MRPS27: variants seen among roughly 807,000 people sequenced by gnomAD.
MRPS27 encodes mitochondrial ribosomal protein S27, also known as small ribosomal subunit protein mS27.
MRPS27 carries 43 observed loss-of-function variants against 48.9 expected under a neutral mutation model. That is an observed-to-expected ratio of 0.88 (90% CI 0.69 to 1.13). MRPS27 has a LOEUF of 1.13. MRPS27 is among the 50% of genes most tolerant of loss of function. The probability of loss-of-function intolerance (pLI) is 0.00; values close to 1 mark genes in which losing one functional copy is unlikely to be tolerated. For synonymous variants in MRPS27, 188 were observed against 171.9 expected, an observed-to-expected ratio of 1.09 and a Z score of -0.73; for missense variants, 467 against 476.3, an observed-to-expected ratio of 0.98 and a Z score of 0.18.
chr5:72,234,110 G>A lies in MRPS27; in HGVS notation c.475+9C>T, dbSNP rs1748135243. 6.7e-7 allele frequency: 1 copy of A among 1,503,226 alleles called. No individual in the cohort carries two copies. Among genetic ancestry groups the A allele is most frequent in the African/African-American group, 1.4e-5 (1 of 69,158 alleles). 93.1% of individuals were successfully genotyped at this position (1,503,226 alleles called of 1,614,324 possible). ...CCTATAAACACTGAATCTGGGGTTA[G>A]TTTCTTACCTTTGTAATTTTCTTTC... On this transcript the variant is annotated intron_variant, in intron 6 of 10. Coordinates refer to ENST00000261413, the MANE Select transcript of MRPS27 (RefSeq NM_015084.3).
chr5:72,254,531 G>A (rs1245487485), intron 4 of MRPS27, among the ~76,000 whole-genome samples: 1 of 152,192 alleles, frequency 6.6e-6, no homozygotes, highest in African/African-American at 2.4e-5. Flanking sequence ...AATTATATAT[G>A]TGGAGCCTTT....
At chr5:72,320,007 CCTT>C (rs1358268702) in intron 1 of MRPS27, 139 bp downstream of exon 1, 14 of 777,512 alleles carry the variant, frequency 1.8e-5, no homozygotes, top group Admixed American at 5.0e-5. Flanking sequence ...TACCTTGTCT[CCTT>C]CTTCTGCACT....
intron 1 of MRPS27, 133 bp downstream of exon 1, chr5:72,320,016 G>T: frequency 2.4e-6 from 2 of 843,590 alleles, no homozygotes; most frequent in Non-Finnish European, 3.9e-6. Context: ...TCCTTCTTCT[G>T]CACTACCAAA....
intron 5 of MRPS27, 80 bp downstream of exon 5, chr5:72,237,934 C>A: frequency 1.1e-6 from 1 of 931,422 alleles, no homozygotes; most frequent in Non-Finnish European, 1.7e-6. Context: ...TGGTGTTATT[C>A]TTTGCTGTAC....
At chr5:72,302,264 G>C (rs140381565) in intron 2 of MRPS27, among the ~76,000 whole-genome samples, 2 of 152,282 alleles carry the variant, frequency 1.3e-5, no homozygotes, top group Admixed American at 6.5e-5. Flanking sequence ...GAGTGCAATG[G>C]CCCACAAGCC....
intron 4 of MRPS27, among the ~76,000 whole-genome samples, chr5:72,281,521 G>A (rs1349733321): frequency 1.3e-5 from 2 of 152,212 alleles, no homozygotes; most frequent in East Asian, 3.9e-4. Flanking sequence ...ATGGGTCAGA[G>A]AGATCACATT....
rs66874536 is a variant in MRPS27 at position 72,270,193 on chromosome 5, CAATAATAATAAT to C, written c.281+25326_281+25337del. On this transcript the variant is annotated intron_variant, in intron 4 of 10. Coordinates refer to ENST00000261413, the MANE Select transcript of MRPS27 (RefSeq NM_015084.3). Reference sequence around the variant, plus strand: ...GGGCGACAAAAGAGAAACTCCATCTCAATAATAATAATAATAATAATAATAATAATAATAATA... The same window carrying C: ...GGGCGACAAAAGAGAAACTCCATCTCAATAATAATAATAATAATAATAATA... 4.2e-3 allele frequency among the ~76,000 whole-genome samples: 590 copies of C among 140,318 alleles called. 1 individual carries two copies. Among genetic ancestry groups the C allele is most frequent in the East Asian group, 6.2e-3 (30 of 4,854 alleles). 92.1% of individuals were successfully genotyped at this position (140,318 alleles called of 152,430 possible).
At position 72,234,179 on chromosome 5, in the gene MRPS27, GA is replaced by G; in HGVS notation, c.414del (p.Pro139GlnfsTer9). ...AGTAAATTGAATGTAAAGTTATCTG[GA>G]AAAATTCCATATTGAACCTATAATG... ...TLVNKVQYGI[F>X]PDNFTFNLLM... On this transcript the variant is annotated frameshift_variant, in exon 6 of 11. Coordinates refer to ENST00000261413, the MANE Select transcript of MRPS27 (RefSeq NM_015084.3). LOFTEE classifies it high-confidence loss of function. 2 of 1,502,490 alleles carry G rather than the reference GA, an allele frequency of 1.3e-6. No homozygotes were observed. Among genetic ancestry groups the G allele is most frequent in the African/African-American group, 1.4e-5 (1 of 69,176 alleles). The allele number at this position is 1,502,490 out of a possible 1,614,324, so 93.1% of individuals were successfully genotyped here.
At chr5:72,242,915 G>C (rs935917893) in intron 4 of MRPS27, among the ~76,000 whole-genome samples, 4 of 152,234 alleles carry the variant, frequency 2.6e-5, no homozygotes, top group African/African-American at 9.6e-5. Flanking sequence ...GAGCCCAGCA[G>C]CTCACAGCTC....
intron 5 of MRPS27, among the ~76,000 whole-genome samples, chr5:72,236,053 A>G (rs1253734155): frequency 6.6e-6 from 1 of 152,056 alleles, no homozygotes; most frequent in African/African-American, 2.4e-5. Context: ...TCTTTTGTTA[A>G]TCTGACTTTT....
At chr5:72,294,586 G>T (rs1440265478) in intron 4 of MRPS27, 1 of 152,132 alleles carries the variant, frequency 6.6e-6, no homozygotes, top group African/African-American at 2.4e-5. Flanking sequence ...ATGTGCATTA[G>T]GTTGTTTCAG....
rs550068170 is a variant in MRPS27 at position 72,233,500 on chromosome 5, T to C, written c.475+619A>G. Among the ~76,000 whole-genome samples the C allele has an allele frequency of 6.6e-5, 10 of 152,292 alleles. No individual in the cohort carries two copies. In the South Asian group the frequency reaches 1.9e-3, roughly 28 times the overall value. Reference sequence around the variant, plus strand: ...ATTATTTTTTTAACCAATTTTTACATATATTCATAACTATAAAATAGCACT... The same window carrying C: ...ATTATTTTTTTAACCAATTTTTACACATATTCATAACTATAAAATAGCACT... On this transcript the variant is annotated intron_variant, in intron 6 of 10. Coordinates refer to ENST00000261413, the MANE Select transcript of MRPS27 (RefSeq NM_015084.3).
chr5:72,250,202 T>C (rs1748627796), intron 4 of MRPS27, among the ~76,000 whole-genome samples: 1 of 152,216 alleles, frequency 6.6e-6, no homozygotes, highest in African/African-American at 2.4e-5. Flanking sequence ...AGTCTGTCTT[T>C]TTTGTTTCCT....
intron 7 of MRPS27, among the ~76,000 whole-genome samples, chr5:72,230,512 T>A (rs958375686): frequency 6.6e-6 from 1 of 152,176 alleles, no homozygotes; most frequent in Admixed American, 6.6e-5. Flanking sequence ...CATCTTACCC[T>A]ACCCCTTTGG....
At chr5:72,228,240 G>T in intron 8 of MRPS27, 26 bp downstream of exon 8, 1 of 1,499,666 alleles carries the variant, frequency 6.7e-7, no homozygotes, top group Non-Finnish European at 9.3e-7. Flanking sequence ...ATGAAGAACA[G>T]TATTTGTAAG....
intron 4 of MRPS27, among the ~76,000 whole-genome samples, chr5:72,254,164 T>C (rs749611592): frequency 3.3e-5 from 5 of 152,214 alleles, no homozygotes; most frequent in Non-Finnish European, 5.9e-5. Context: ...GTTTTATCTA[T>C]ATTTGAAGGG....
At chr5:72,316,691 G>T (rs919222845) in intron 1 of MRPS27, among the ~76,000 whole-genome samples, 8 of 150,388 alleles carry the variant, frequency 5.3e-5, no homozygotes, top group African/African-American at 1.9e-4. Context: ...TTAAATGGAT[G>T]AATTGTATGG....
intron 4 of MRPS27, among the ~76,000 whole-genome samples, chr5:72,284,297 G>A (rs971705883): frequency 1.3e-4 from 19 of 150,604 alleles, no homozygotes; most frequent in Admixed American, 1.1e-3. Context: ...GGTGGCATAC[G>A]CCTAAAGTCC....
At chr5:72,262,678 G>A (rs1749014393) in intron 4 of MRPS27, among the ~76,000 whole-genome samples, 1 of 152,108 alleles carries the variant, frequency 6.6e-6, no homozygotes, top group Non-Finnish European at 1.5e-5. Flanking sequence ...GGGGGAGAGA[G>A]TTCCATCTTG....
Sources: allele counts gnomAD v4.1 joint callset (sites outside exome capture counted in the v4.1 genomes callset), GRCh38; gene constraint gnomAD v4.1.1; transcripts MANE v1.5; gene names NCBI Gene and HGNC (gene_info 2026-07-23, HGNC 2026-07-21).